Variants in CBLL1 observed in about 807,000 individuals in gnomAD.
CBLL1 encodes E3 ubiquitin-protein ligase Hakai.
CBLL1 carries 4 observed loss-of-function variants against 44.9 expected under a neutral mutation model. The ratio of observed to expected loss-of-function variants is 0.09; its 90% CI spans 0.04 to 0.20. The LOEUF is 0.20. Ranked by LOEUF, CBLL1 falls within the 10% of genes least tolerant of loss-of-function variation. CBLL1 has a pLI of 1.00. For synonymous variants in CBLL1, 235 were observed against 202.2 expected (o/e 1.16, Z -1.38); for missense variants, 569 against 636.7 (o/e 0.89, Z 1.14).
intron 4 of CBLL1, 149 bp from the exon 5 acceptor site, chr7:107,755,269 A>G (rs1793478143): frequency 3.1e-6 from 1 of 318,906 alleles, no homozygotes; most frequent in East Asian, 5.5e-5. Flanking sequence ...TGATTGAAAA[A>G]GGTTATTATA....
intron 2 of CBLL1, among the ~76,000 whole-genome samples, chr7:107,751,924 G>A (rs1793310303): frequency 6.6e-6 from 1 of 152,080 alleles, no homozygotes; most frequent in Non-Finnish European, 1.5e-5. Context: ...TTTCTGCCAG[G>A]TGTGGTGGCT....
In CBLL1 at chr7:107,758,727, C is replaced by G; in HGVS notation, c.1025C>G (p.Ala342Gly). The stretch of plus-strand genomic sequence containing the variant: ...ATTATGCCTCCACAGCAACATTATG[C>G]ACCACCCCCACCTCCTCCACCACCA... ...HHIMPPQQHY[A>G]PPPPPPPPIS... The change falls in exon 6 of 6, where the codon GCA becomes GGA. Residue 342 changes from alanine to glycine, a missense_variant. Transcript: ENST00000440859. This position sits in a 1 kb window ranked among gnomAD's most constrained non-coding sequence, Gnocchi z 4.2. 1.9e-6 allele frequency: 3 copies of G among 1,613,776 alleles called. No individual in the cohort carries two copies. Among genetic ancestry groups the G allele is most frequent in the Non-Finnish European group, 2.5e-6 (3 of 1,179,946 alleles).
Position 107,758,339 on chromosome 7 carries a change from C to G in CBLL1, c.637C>G (p.Pro213Ala), listed in dbSNP as rs769409308. ...TGTTCATCCTCCTATTGCCCCACCA[C>G]CAACTGAAATCCCTGAGCGTTTTAT... ...ENVHPPIAPP[P>A]TEIPERFIMP... Residue 213 changes from proline (P) to alanine (A), a missense_variant, in exon 6 of 6, where the codon CCA (proline) becomes GCA (alanine). Physicochemically the swap from Pro to Ala is conservative, Grantham distance 27. Around this residue, in one of 5 missense-constraint regions of CBLL1, gnomAD observed 111 missense variants for 113.0 expected, o/e 0.98. Transcript: ENST00000440859. This position sits in a 1 kb window ranked among gnomAD's most constrained non-coding sequence, Gnocchi z 4.2. 6 of 1,614,162 alleles carry G rather than the reference C, an allele frequency of 3.7e-6. No homozygotes were observed. In the Admixed American group the frequency reaches 1.0e-4, roughly 27 times the overall value.
chr7:107,761,133 A>G lies in CBLL1; in HGVS notation c.*1955A>G, dbSNP rs1793743335. 6.6e-6 allele frequency: 1 copy of G among 152,078 alleles called. No homozygotes were observed. The highest frequency in any genetic ancestry group is 1.5e-5 in the Non-Finnish European group (1 of 67,854). The allele number at this position is 152,078 out of a possible 1,614,324, so 9.4% of individuals were successfully genotyped here. On this transcript the variant is annotated 3_prime_UTR_variant, in exon 6 of 6. Coordinates refer to ENST00000440859, the MANE Select transcript of CBLL1 (RefSeq NM_024814.4). ...TAAAATATTACTGTTAAAAATCCAAACCATTCTTTGTTCCATGTAATAAGA... is the reference window on the plus strand; with the variant it reads ...TAAAATATTACTGTTAAAAATCCAAGCCATTCTTTGTTCCATGTAATAAGA...
At chr7:107,751,891 A>C (rs1793308614) in intron 2 of CBLL1, among the ~76,000 whole-genome samples, 1 of 152,002 alleles carries the variant, frequency 6.6e-6, no homozygotes. Context: ...TATCTCAATA[A>C]TTTTCTGGTT....
chr7:107,755,225 G>A (rs920291343), intron 4 of CBLL1, among the ~76,000 whole-genome samples, 193 bp from the exon 5 acceptor site: 5 of 152,132 alleles, frequency 3.3e-5, no homozygotes, highest in Admixed American at 6.5e-5. Flanking sequence ...TGGGAAAAGA[G>A]CCATAGTTTT....
rs1318626609 is a variant in CBLL1, at chr7:107,761,360, AAATCT to A, written c.*2184_*2188del. 6.6e-6 allele frequency: 1 copy of A among 152,156 alleles called. No homozygotes were observed. Among genetic ancestry groups the A allele is most frequent in the Non-Finnish European group, 1.5e-5 (1 of 67,874 alleles). The allele number at this position is 152,156 out of a possible 1,614,324, so 9.4% of individuals were successfully genotyped here. ...TGATTTATTTTCAATTAGGTTTAAG[AAATCT>A]ATGTTATGCAGGGAGGCATATCAGA... On this transcript the variant is annotated 3_prime_UTR_variant, in exon 6 of 6. Coordinates refer to ENST00000440859, the MANE Select transcript of CBLL1 (RefSeq NM_024814.4).
At chr7:107,746,987 A>G (rs1251325868) in intron 1 of CBLL1, among the ~76,000 whole-genome samples, 1 of 152,250 alleles carries the variant, frequency 6.6e-6, no homozygotes, top group Non-Finnish European at 1.5e-5. Context: ...AAGTGAATTT[A>G]TCTGAAGTGG....
intron 5 of CBLL1, among the ~76,000 whole-genome samples, chr7:107,757,923 T>C (rs1332024437): frequency 6.6e-6 from 1 of 152,100 alleles, no homozygotes; most frequent in Non-Finnish European, 1.5e-5. Context: ...CCGTTTGATA[T>C]TAGGAGTTCT....
At chr7:107,747,115 A>C (rs772246809) in intron 1 of CBLL1, among the ~76,000 whole-genome samples, 1 of 152,218 alleles carries the variant, frequency 6.6e-6, no homozygotes, top group Non-Finnish European at 1.5e-5. Context: ...TCTTAATTTA[A>C]AAACAACAAA....
At chr7:107,752,187 A>G (rs549139842) in intron 2 of CBLL1, among the ~76,000 whole-genome samples, 244 of 147,682 alleles carry the variant, frequency 1.7e-3, no homozygotes, top group African/African-American at 6.0e-3. Flanking sequence ...CGACAGAGTG[A>G]GACTCTGTCT....
intron 5 of CBLL1, among the ~76,000 whole-genome samples, chr7:107,757,360 C>T (rs987585782): frequency 2.6e-5 from 4 of 152,134 alleles, no homozygotes; most frequent in Admixed American, 6.5e-5. Context: ...GGTTCAATGA[C>T]TTCAAATTAC....
chr7:107,749,241 T>C (rs552112725), intron 2 of CBLL1, 194 bp downstream of exon 2: 29 of 441,218 alleles, frequency 6.6e-5, no homozygotes, highest in Non-Finnish European at 1.1e-4. Context: ...TGGTTCCTTT[T>C]GTTGTTGAAA....
rs1793761913 is a variant in CBLL1, at chr7:107,761,645, A to G, written c.*2467A>G. Reference sequence around the variant, plus strand: ...GGTGGCAGTTTAATTCTTAAAAACAATAAAATGGAAGCATAAATACTATTT... The same window carrying G: ...GGTGGCAGTTTAATTCTTAAAAACAGTAAAATGGAAGCATAAATACTATTT... On this transcript the variant is annotated 3_prime_UTR_variant, in exon 6 of 6. Transcript: ENST00000440859. 6.6e-6 allele frequency: 1 copy of G among 152,188 alleles called. No homozygotes were observed. The highest frequency in any genetic ancestry group is 2.1e-4 in the South Asian group (1 of 4,834). The allele number at this position is 152,188 out of a possible 1,614,324, so 9.4% of individuals were successfully genotyped here.
chr7:107,748,416 G>A (rs1313901306), intron 1 of CBLL1, among the ~76,000 whole-genome samples: 3 of 152,142 alleles, frequency 2.0e-5, no homozygotes, highest in African/African-American at 7.2e-5. Flanking sequence ...GCCTTCATCA[G>A]TATTAGTAAG....
intron 4 of CBLL1, among the ~76,000 whole-genome samples, chr7:107,754,645 C>T (rs1013568006): frequency 6.6e-6 from 1 of 152,114 alleles, no homozygotes; most frequent in Non-Finnish European, 1.5e-5. Context: ...CTTCTAACAT[C>T]ATTTAATGTA....
chr7:107,746,596 CTAGA>C (rs1343496787), intron 1 of CBLL1, among the ~76,000 whole-genome samples: 4 of 152,094 alleles, frequency 2.6e-5, no homozygotes, highest in Admixed American at 1.3e-4. Flanking sequence ...TGCCACTTAG[CTAGA>C]TAATTGAAGA....
intron 4 of CBLL1, 70 bp from the exon 5 acceptor site, chr7:107,755,348 A>T: frequency 1.5e-6 from 1 of 670,918 alleles, no homozygotes; most frequent in Non-Finnish European, 2.2e-6. Context: ...TGTATAGGTT[A>T]CTATATATAT....
Position 107,759,451 on chromosome 7 carries a change from T to G in CBLL1, c.*273T>G. 3 of 298,780 alleles carry G rather than the reference T, an allele frequency of 1.0e-5. No individual in the cohort carries two copies. The highest frequency in any genetic ancestry group is 1.9e-5 in the Non-Finnish European group (3 of 162,026). 18.5% of individuals were successfully genotyped at this position (298,780 alleles called of 1,614,324 possible). Reference sequence around the variant, plus strand: ...GTAAATTGACCCAGAGGTGACCATTTGTAAAAAATTTGAAAAAATTTTTCA... The same window carrying G: ...GTAAATTGACCCAGAGGTGACCATTGGTAAAAAATTTGAAAAAATTTTTCA... On this transcript the variant is annotated 3_prime_UTR_variant, in exon 6 of 6. Coordinates refer to ENST00000440859, the MANE Select transcript of CBLL1 (RefSeq NM_024814.4).
Sources: gnomAD v4.1 joint callset for allele counts (sites outside exome capture counted in the v4.1 genomes callset) on GRCh38, gnomAD v4.1.1 for gene constraint, gnomAD v4.1.1 regional missense constraint, Gnocchi (gnomAD v3.1) non-coding constraint, MANE v1.5 for transcripts, NCBI Gene and HGNC (gene_info 2026-07-23, HGNC 2026-07-21) for gene names.